Variants in SND1 observed in about 807,000 individuals in gnomAD.
SND1 encodes the protein staphylococcal nuclease domain-containing protein 1.
In SND1, 38 loss-of-function variants were observed where a neutral mutation model predicts 121.7. The observed-to-expected ratio is 0.31, with a 90% confidence interval of 0.24 to 0.41. The LOEUF (loss-of-function observed/expected upper bound fraction) is 0.41, where lower values mean the gene tolerates loss of function less well. SND1 is among the 10% of genes least tolerant of loss of function. The pLI, the probability that SND1 is intolerant of heterozygous loss-of-function variation, is 1.00. For missense variants in SND1, 868 were observed against 1,184.6 expected (o/e 0.73, Z 3.92); for synonymous variants, 401 against 447.4 (o/e 0.90, Z 1.31).
chr7:127,815,317 A>G (rs530760001), intron 11 of SND1, among the ~76,000 whole-genome samples: 2 of 150,686 alleles, frequency 1.3e-5, no homozygotes, highest in South Asian at 2.1e-4. Flanking sequence ...TTCATTGACC[A>G]GTATCCTAAT....
chr7:127,813,043 G>C (rs1798361812), intron 11 of SND1, among the ~76,000 whole-genome samples: 1 of 152,214 alleles, frequency 6.6e-6, no homozygotes, highest in South Asian at 2.1e-4. Context: ...TAAATTGACA[G>C]GTTTATACAA....
chr7:127,718,084 A>T (rs1298284588), intron 9 of SND1, among the ~76,000 whole-genome samples: 1 of 152,026 alleles, frequency 6.6e-6, no homozygotes, highest in Non-Finnish European at 1.5e-5. Context: ...AGGGAATTGG[A>T]TTTAGTGCAT....
intron 17 of SND1, among the ~76,000 whole-genome samples, chr7:128,078,660 A>G (rs984927234): frequency 6.6e-6 from 1 of 152,208 alleles, no homozygotes; most frequent in Non-Finnish European, 1.5e-5. Flanking sequence ...CAAGGAGGAC[A>G]CCTGATGCTG....
At chr7:127,701,108 T>A (rs747163446) in intron 4 of SND1, 55 bp from the exon 5 acceptor site, 16 of 1,587,180 alleles carry the variant, frequency 1.0e-5, no homozygotes, top group African/African-American at 1.4e-5. Context: ...TCAGAGAGCC[T>A]CGTATTTCTG....
intron 16 of SND1, among the ~76,000 whole-genome samples, chr7:128,036,179 T>G (rs1280570263): frequency 6.7e-6 from 1 of 150,092 alleles, no homozygotes; most frequent in African/African-American, 2.5e-5. Context: ...AGTCACTGCC[T>G]TCTTTCCAAG....
intron 15 of SND1, among the ~76,000 whole-genome samples, chr7:127,937,665 T>C (rs755511557): frequency 2.0e-5 from 3 of 152,242 alleles, no homozygotes; most frequent in African/African-American, 4.8e-5. Flanking sequence ...CCTCATTTCC[T>C]TCTTTTCCTT....
chr7:127,730,102 G>A (rs1198850790), intron 10 of SND1, among the ~76,000 whole-genome samples: 1 of 152,140 alleles, frequency 6.6e-6, no homozygotes, highest in Non-Finnish European at 1.5e-5. Context: ...CCGAGTAGCT[G>A]GGATTACAGG....
chr7:127,691,469 G>A (rs1358428444), intron 2 of SND1, among the ~76,000 whole-genome samples: 3 of 151,720 alleles, frequency 2.0e-5, no homozygotes, highest in African/African-American at 4.8e-5. Flanking sequence ...GCTTGAACCC[G>A]GGAAGCGGAG....
At chr7:127,735,075 G>A (rs10954163) in intron 10 of SND1, among the ~76,000 whole-genome samples, 49,686 of 152,012 alleles carry the variant, frequency 0.33, 9,060 homozygotes, top group Admixed American at 0.42. Flanking sequence ...GGTAGAGCGT[G>A]AGGTGCTGGG....
intron 10 of SND1, among the ~76,000 whole-genome samples, chr7:127,728,715 A>G (rs953812827): frequency 6.6e-6 from 1 of 152,242 alleles, no homozygotes. Context: ...AGTGCTGTGA[A>G]TAAATAAACA....
intron 14 of SND1, among the ~76,000 whole-genome samples, chr7:127,925,921 T>C (rs944201373): frequency 1.3e-5 from 2 of 151,940 alleles, no homozygotes; most frequent in Non-Finnish European, 2.9e-5. Flanking sequence ...TTTCTTTTTT[T>C]TTTTAAGAGA....
At chr7:127,823,289 G>C (rs568675218) in intron 11 of SND1, among the ~76,000 whole-genome samples, 72 of 152,308 alleles carry the variant, frequency 4.7e-4, no homozygotes, top group Non-Finnish European at 1.6e-4. Context: ...TCTTTAGGAA[G>C]TCTTTTTCCC....
chr7:127,761,240 C>T (rs1407174579), intron 10 of SND1, among the ~76,000 whole-genome samples: 1 of 152,160 alleles, frequency 6.6e-6, no homozygotes, highest in East Asian at 1.9e-4. Context: ...CCAAAAGTTT[C>T]TTTTTGTGTG....
intron 15 of SND1, among the ~76,000 whole-genome samples, chr7:127,931,376 T>G (rs1172233263): frequency 6.6e-6 from 1 of 152,230 alleles, no homozygotes; most frequent in African/African-American, 2.4e-5. Flanking sequence ...TCCTCAATTC[T>G]GTGAACACTG....
chr7:127,841,704 A>G (rs1798969107), intron 11 of SND1, among the ~76,000 whole-genome samples: 2 of 152,000 alleles, frequency 1.3e-5, no homozygotes, highest in African/African-American at 2.4e-5. Context: ...TTTGGCCTAT[A>G]TTAACTCTGG....
At chr7:127,980,270 G>A (rs1276604140) in intron 15 of SND1, among the ~76,000 whole-genome samples, 3 of 58,052 alleles carry the variant, frequency 5.2e-5, no homozygotes, top group East Asian at 4.8e-4. Flanking sequence ...CCGCCACTAC[G>A]CCCGGCTAAT....
intron 2 of SND1, among the ~76,000 whole-genome samples, chr7:127,688,805 T>C (rs1795865604): frequency 6.6e-6 from 1 of 151,968 alleles, no homozygotes; most frequent in South Asian, 2.1e-4. Flanking sequence ...GTTGGGCAGG[T>C]TGGTACCTCA....
At position 127,918,055 on chromosome 7, in the gene SND1, C is replaced by CTT. The variant is rs11375840; in HGVS notation, c.1528-11121_1528-11120dup. Among the ~76,000 whole-genome samples, 700 of 142,160 alleles carry CTT rather than the reference C, an allele frequency of 4.9e-3. 3 individuals carry two copies. The highest frequency in any genetic ancestry group is 8.7e-3 in the African/African-American group (336 of 38,770). 93.3% of individuals were successfully genotyped at this position (142,160 alleles called of 152,430 possible). On this transcript the variant is annotated intron_variant, in intron 14 of 23. Coordinates refer to ENST00000354725, the MANE Select transcript of SND1 (RefSeq NM_014390.4). ...AAGCTTAATCGGCCATAGATTTTTT[C>CTT]TTTTTTTTTTTTTCTTTTTCTTTTT...
chr7:127,789,049 A>G (rs190392604), intron 10 of SND1, among the ~76,000 whole-genome samples: 1 of 152,312 alleles, frequency 6.6e-6, no homozygotes, highest in Admixed American at 6.5e-5. Context: ...AGTGATTGGC[A>G]TGTACATTTT....
Sources: gnomAD v4.1 joint callset for allele counts (sites outside exome capture counted in the v4.1 genomes callset) on GRCh38, gnomAD v4.1.1 for gene constraint, MANE v1.5 for transcripts, NCBI Gene and HGNC (gene_info 2026-07-23, HGNC 2026-07-21) for gene names.